Variants in MUC12 observed in about 807,000 individuals in gnomAD.
MUC12 encodes the protein mucin 12, cell surface associated.
A neutral mutation model predicts 230.8 loss-of-function variants in MUC12; 172 were observed. That is an observed-to-expected ratio of 0.75 (90% CI 0.66 to 0.85). The LOEUF (loss-of-function observed/expected upper bound fraction) is 0.85, where lower values mean the gene tolerates loss of function less well. Ranked by LOEUF, MUC12 falls within the 40% of genes least tolerant of loss-of-function variation. MUC12 has a pLI of 0.00. For missense variants in MUC12, 3,506 were observed against 5,920.6 expected (o/e 0.59, Z 13.38); for synonymous variants, 1,259 against 2,401.9 (o/e 0.52, Z 13.91).
At chr7:100,982,368 C>T (rs1166013679) in intron 1 of MUC12, among the ~76,000 whole-genome samples, 2 of 152,100 alleles carry the variant, frequency 1.3e-5, no homozygotes, top group African/African-American at 4.8e-5. Flanking sequence ...CCCTGAAAAC[C>T]TTCCCTTTCT....
chr7:100,984,634 C>T (rs1793161201), intron 1 of MUC12, among the ~76,000 whole-genome samples: 1 of 152,040 alleles, frequency 6.6e-6, no homozygotes, highest in Admixed American at 6.6e-5. Context: ...CCAGCATCTG[C>T]CTTTTGATTG....
Position 101,018,717 on chromosome 7 carries a change from G to T in MUC12, c.*81G>T. ...GAGCCCACCACAAGCCTCCGGGGCG[G>T]GTCAAGAGGAGACCGAAGTCAGGCC... On this transcript the variant is annotated 3_prime_UTR_variant, in exon 12 of 12. Transcript: ENST00000536621. 3 of 1,411,244 alleles carry T rather than the reference G, an allele frequency of 2.1e-6. No homozygotes were observed. Among genetic ancestry groups the T allele is most frequent in the Non-Finnish European group, 2.8e-6 (3 of 1,058,632 alleles). 87.4% of individuals were successfully genotyped at this position (1,411,244 alleles called of 1,614,324 possible).
Position 100,990,519 on chromosome 7 carries a change from C to T in MUC12, c.68-112C>T. The T allele has an allele frequency of 2.3e-6, 3 of 1,320,630 alleles. No individual in the cohort carries two copies. The Admixed American group carries it at 6.5e-5, about 29-fold the overall frequency. The allele number at this position is 1,320,630 out of a possible 1,614,324, so 81.8% of individuals were successfully genotyped here. A position where few individuals can be genotyped will look rare whatever the true frequency, so the allele number is the denominator to read the frequency against. On this transcript the variant is annotated intron_variant, in intron 1 of 11. Transcript: ENST00000536621. ...CAAAAGGGAAACTTGAGTTTCAATA[C>T]CATGGGCTGACCAGGTGTCTTCCAG...
intron 1 of MUC12, among the ~76,000 whole-genome samples, chr7:100,977,026 T>G: frequency 8.2e-6 from 1 of 122,644 alleles, no homozygotes; most frequent in Admixed American, 1.1e-4. Context: ...GCTCCAGCCT[T>G]GGTGACAGAC....
intron 1 of MUC12, among the ~76,000 whole-genome samples, chr7:100,989,099 C>CT (rs61570080): frequency 0.021 from 2,782 of 133,908 alleles, 131 homozygotes; most frequent in African/African-American, 0.072. Context: ...TCCTCTTCTT[C>CT]TTTTTTTTTT....
In MUC12 at chr7:100,991,014, C is replaced by A. The variant is rs1308055498; in HGVS notation, c.451C>A (p.Leu151Ile). ...TAGCCCCAGATCACCAGACAGAACA[C>A]TCTCACCTGCCCGCACGACAAGCTC... The part of the protein sequence containing the change: ...YSSPRSPDRT[L>I]SPARTTSSGV... Residue 151 changes from leucine to isoleucine, a missense_variant, in exon 2 of 12, where the codon CTC becomes ATC. Transcript: ENST00000536621. The A allele has an allele frequency of 6.5e-7, 1 of 1,537,896 alleles. No individual in the cohort carries two copies. The highest frequency in any genetic ancestry group is 1.2e-5 in the South Asian group (1 of 84,062).
rs747146341 is a variant in MUC12 at position 100,990,788 on chromosome 7, A to G, written c.225A>G (p.Ser75=). The G allele has an allele frequency of 2.1e-5, 33 of 1,537,730 alleles. No homozygotes were observed. The highest frequency in any genetic ancestry group is 2.5e-5 in the Non-Finnish European group (29 of 1,147,050). The part of the protein sequence containing the change: ...TKHFLDSSTN[S]GHSEESTVSH... ...ACTTCCTTGACAGCTCCACAAACTCAGGCCACAGTGAGGAATCAACAGTAT... is the reference window on the plus strand; with the variant it reads ...ACTTCCTTGACAGCTCCACAAACTCGGGCCACAGTGAGGAATCAACAGTAT... The change falls in exon 2 of 12, where the codon TCA becomes TCG. Residue 75 remains serine (S), a synonymous_variant. Transcript: ENST00000536621.
chr7:100,990,324 G>A (rs1002173655), intron 1 of MUC12, among the ~76,000 whole-genome samples: 1 of 152,196 alleles, frequency 6.6e-6, no homozygotes, highest in Non-Finnish European at 1.5e-5. Context: ...TAAATGTAAT[G>A]TGCTTGAATC....
At chr7:100,978,350 G>A (rs1176030451) in intron 1 of MUC12, among the ~76,000 whole-genome samples, 3 of 152,224 alleles carry the variant, frequency 2.0e-5, no homozygotes, top group Non-Finnish European at 4.4e-5. Flanking sequence ...TCTAGCTCTT[G>A]TGTGGCAGAG....
rs1793876727 is a variant in MUC12, at chr7:101,013,897, T to G, written c.15639-16T>G. 2 of 1,530,206 alleles carry G rather than the reference T, an allele frequency of 1.3e-6. No individual in the cohort carries two copies. 94.8% of individuals were successfully genotyped at this position (1,530,206 alleles called of 1,614,324 possible). A position where few individuals can be genotyped will look rare whatever the true frequency, so the allele number is the denominator to read the frequency against. ...GGGATCCCAGGGGATCAGCGTGAGCTTGTCTGTGTCCCCAGGTGCCCAAAT... is the reference window on the plus strand; with the variant it reads ...GGGATCCCAGGGGATCAGCGTGAGCGTGTCTGTGTCCCCAGGTGCCCAAAT... On this transcript the variant is annotated splice_polypyrimidine_tract_variant and intron_variant, in intron 8 of 11. Transcript: ENST00000536621.
At position 100,992,101 on chromosome 7, in the gene MUC12, C is replaced by A. The variant is rs1340367472; in HGVS notation, c.1538C>A (p.Thr513Lys). 12 of 1,537,242 alleles carry A rather than the reference C, an allele frequency of 7.8e-6. No homozygotes were observed. The highest frequency in any genetic ancestry group is 1.0e-5 in the Non-Finnish European group (12 of 1,146,714). ...ACAACACACTTACCTGCCAGCATGA[C>A]AAGCTCAGGCGTCAGTGAAGAATCC... ...PDTTHLPASMTSSGVSEESTT... is the reference protein window; with the variant it reads ...PDTTHLPASMKSSGVSEESTT... The change falls in exon 2 of 12, where the codon ACA becomes AAA. Residue 513 changes from threonine to lysine, a missense_variant. Thr to Lys is a moderately conservative substitution (Grantham distance 78, BLOSUM62 -1). Transcript: ENST00000536621.
Position 101,003,371 on chromosome 7 carries a change from C to A in MUC12, c.12808C>A (p.Pro4270Thr), listed in dbSNP as rs1355033033. 2.0e-6 allele frequency: 3 copies of A among 1,524,284 alleles called. No individual in the cohort carries two copies. The highest frequency in any genetic ancestry group is 3.0e-5 in the African/African-American group (2 of 67,528). The allele number at this position is 1,524,284 out of a possible 1,614,324, so 94.4% of individuals were successfully genotyped here. ...PGSTTASSLG[P>T]ESTTFHSSPG... is the part of the protein sequence containing the mutation. Reference sequence around the variant, plus strand: ...CAGTACCACAGCATCATCCCTTGGTCCAGAATCTACTACCTTCCACAGCAG... The same window carrying A: ...CAGTACCACAGCATCATCCCTTGGTACAGAATCTACTACCTTCCACAGCAG... Residue 4270 changes from proline (P) to threonine (T), a missense_variant, in exon 2 of 12, where the codon CCA becomes ACA. Coordinates refer to ENST00000536621, the MANE Select transcript of MUC12 (RefSeq NM_001164462.2).
In MUC12 at chr7:100,991,122, C is replaced by A. The variant is rs199521685; in HGVS notation, c.559C>A (p.Pro187Thr). The change falls in exon 2 of 12, where the codon CCA becomes ACA. Residue 187 changes from proline (P) to threonine (T), a missense_variant. Pro to Thr is a conservative substitution (Grantham distance 38, BLOSUM62 -1). Coordinates refer to ENST00000536621, the MANE Select transcript of MUC12 (RefSeq NM_001164462.2). ...AGCGTTCCCTGACAGTACCACCATG[C>A]CAGGCGTCAGTCAGGAATCTACAGC... ...TIAFPDSTTM[P>T]GVSQESTASH... 1.3e-5 allele frequency: 20 copies of A among 1,537,636 alleles called. No individual in the cohort carries two copies. The highest frequency in any genetic ancestry group is 1.6e-5 in the Non-Finnish European group (18 of 1,147,036).
In MUC12 at chr7:101,004,549, G is replaced by A. The variant is rs1004924556; in HGVS notation, c.13986G>A (p.Pro4662=). 7 of 1,536,192 alleles carry A rather than the reference G, an allele frequency of 4.6e-6. No homozygotes were observed. Among genetic ancestry groups the A allele is most frequent in the East Asian group, 2.5e-5 (1 of 40,740 alleles). Residue 4662 remains proline, a synonymous_variant, in exon 2 of 12, where the codon CCG becomes CCA. Coordinates refer to ENST00000536621, the MANE Select transcript of MUC12 (RefSeq NM_001164462.2). ...AACCTACCAGCTACCACAGCAGCCC[G>A]GGCTCAATTGCAACAACACACTTTC... The part of the protein sequence containing the change: ...VEEPTSYHSS[P]GSIATTHFPE...
chr7:100,972,866 T>C (rs1792936060), intron 1 of MUC12: 1 of 702,658 alleles, frequency 1.4e-6, no homozygotes, highest in South Asian at 1.5e-5. Context: ...CAGGGCACAT[T>C]GTGGACTGGT....
intron 1 of MUC12, among the ~76,000 whole-genome samples, chr7:100,973,853 T>TA (rs759897466): frequency 2.5e-3 from 349 of 141,384 alleles, no homozygotes; most frequent in South Asian, 3.4e-3. Flanking sequence ...ACCCCATCTC[T>TA]AAAAAAAAAA....
Position 101,018,836 on chromosome 7 carries a change from G to A in MUC12, c.*200G>A, listed in dbSNP as rs1036105026. 2.6e-5 allele frequency: 13 copies of A among 504,354 alleles called. No individual in the cohort carries two copies. Among genetic ancestry groups the A allele is most frequent in the East Asian group, 3.5e-5 (1 of 28,588 alleles). The allele number at this position is 504,354 out of a possible 1,614,324, so 31.2% of individuals were successfully genotyped here. A position where few individuals can be genotyped will look rare whatever the true frequency, so the allele number is the denominator to read the frequency against. On this transcript the variant is annotated 3_prime_UTR_variant, in exon 12 of 12. Coordinates refer to ENST00000536621, the MANE Select transcript of MUC12 (RefSeq NM_001164462.2). ...CTGGGGGCTGTAAGCCTCTCCATCCGGGAGCTTCCAGACTCCCAGAAGCCT... is the reference window on the plus strand; with the variant it reads ...CTGGGGGCTGTAAGCCTCTCCATCCAGGAGCTTCCAGACTCCCAGAAGCCT...
chr7:101,007,211 G>A (rs747179607), intron 3 of MUC12, among the ~76,000 whole-genome samples: 3 of 152,104 alleles, frequency 2.0e-5, no homozygotes, highest in Admixed American at 6.5e-5. Context: ...CTCCTGCCTC[G>A]GCCTCCCAAA....
At chr7:101,017,472 C>A in intron 10 of MUC12, 103 bp from the exon 11 acceptor site, 1 of 724,610 alleles carries the variant, frequency 1.4e-6, no homozygotes, top group Non-Finnish European at 2.3e-6. Flanking sequence ...GGGCGTAGGG[C>A]AGATGCCGGG....
Sources: allele counts gnomAD v4.1 joint callset (sites outside exome capture counted in the v4.1 genomes callset), GRCh38; gene constraint gnomAD v4.1.1; transcripts MANE v1.5; gene names NCBI Gene and HGNC (gene_info 2026-07-23, HGNC 2026-07-21).